The following NALF1 variants were observed in gnomAD, a reference collection of about 807,000 sequenced individuals.
The protein encoded by NALF1 is NALCN channel auxiliary factor 1.
Under a neutral mutation model 48.4 loss-of-function variants are expected in NALF1, and 3 were observed. The observed-to-expected ratio is 0.06, with a 90% CI of 0.03 to 0.16. The LOEUF is 0.16. NALF1 is among the 10% of genes least tolerant of loss of function. The pLI is 1.00. For missense variants in NALF1, 526 were observed against 571.5 expected (o/e 0.92, Z 0.81); for synonymous variants, 262 against 245.7 (o/e 1.07, Z -0.62).
At chr13:107,575,793 C>T (rs9301236) in intron 1 of NALF1, among the ~76,000 whole-genome samples, 128,401 of 152,130 alleles carry the variant, frequency 0.84, 57,835 homozygotes, top group East Asian at 1. Flanking sequence ...GGTGATTTTA[C>T]TTTTCATCTG....
intron 1 of NALF1, among the ~76,000 whole-genome samples, chr13:107,650,257 C>T (rs1292068558): frequency 1.3e-5 from 2 of 152,036 alleles, no homozygotes; most frequent in Non-Finnish European, 2.9e-5. Flanking sequence ...CCAGGGTACC[C>T]CTGGCCACCC....
At chr13:107,199,518 G>A (rs1276596418) in intron 2 of NALF1, among the ~76,000 whole-genome samples, 1 of 152,084 alleles carries the variant, frequency 6.6e-6, no homozygotes, top group Non-Finnish European at 1.5e-5. Flanking sequence ...CTGGGGTGCT[G>A]GGGGTTAGGA....
chr13:107,669,049 C>T (rs530875813), intron 1 of NALF1, among the ~76,000 whole-genome samples: 9 of 152,184 alleles, frequency 5.9e-5, no homozygotes, highest in Admixed American at 3.9e-4. Context: ...AACTTAATTA[C>T]ATAATACTGA....
At chr13:107,857,218 A>T (rs1231481725) in intron 1 of NALF1, among the ~76,000 whole-genome samples, 1 of 152,192 alleles carries the variant, frequency 6.6e-6, no homozygotes, top group Non-Finnish European at 1.5e-5. Flanking sequence ...CATCAAGGAT[A>T]TCTGTTACCC....
At chr13:107,623,587 T>C (rs144569767) in intron 1 of NALF1, among the ~76,000 whole-genome samples, 9 of 152,212 alleles carry the variant, frequency 5.9e-5, no homozygotes, top group African/African-American at 2.2e-4. Flanking sequence ...GCACTATTGT[T>C]TCATTCTGTT....
chr13:107,470,241 ACTTC>A (rs1411421868), intron 1 of NALF1, among the ~76,000 whole-genome samples: 11 of 152,256 alleles, frequency 7.2e-5, no homozygotes, highest in African/African-American at 2.7e-4. Context: ...TTTTAAATTT[ACTTC>A]CTTCCTTATT....
At chr13:107,620,360 G>A (rs1213800895) in intron 1 of NALF1, among the ~76,000 whole-genome samples, 4 of 152,156 alleles carry the variant, frequency 2.6e-5, no homozygotes, top group South Asian at 2.1e-4. Context: ...AGAGAATAAC[G>A]TGCTATCATT....
chr13:107,567,144 TA>T (rs1465694775), intron 1 of NALF1, among the ~76,000 whole-genome samples: 1 of 152,246 alleles, frequency 6.6e-6, no homozygotes, highest in Non-Finnish European at 1.5e-5. Flanking sequence ...TTATATGTGA[TA>T]ACGTAGTTAA....
intron 1 of NALF1, among the ~76,000 whole-genome samples, chr13:107,536,900 T>TA (rs1040570823): frequency 2.1e-4 from 32 of 152,002 alleles, no homozygotes; most frequent in African/African-American, 7.2e-4. Context: ...TATGCAGCCA[T>TA]AAAAAAAGGA....
Position 107,166,006 on chromosome 13 carries a change from ATGTGTG to A in NALF1, c.*4485_*4490del, listed in dbSNP as rs71204815. 2.8e-3 allele frequency: 412 copies of A among 146,204 alleles called. No homozygotes were observed. The highest frequency in any genetic ancestry group is 7.6e-3 in the African/African-American group (301 of 39,566). The allele number at this position is 146,204 out of a possible 1,614,324, so 9.1% of individuals were successfully genotyped here. The stretch of plus-strand genomic sequence containing the variant: ...TTGGTTGAAGTTTTATTTGCAAGCG[ATGTGTG>A]TGTGTGTGTGTGTGTGTGTGTGTGT... On this transcript the variant is annotated 3_prime_UTR_variant, in exon 3 of 3. Coordinates refer to ENST00000375915, the MANE Select transcript of NALF1 (RefSeq NM_001080396.3).
chr13:107,361,032 G>A (rs1883052113), intron 1 of NALF1, among the ~76,000 whole-genome samples: 1 of 152,144 alleles, frequency 6.6e-6, no homozygotes, highest in South Asian at 2.1e-4. Flanking sequence ...GGTTTGATCA[G>A]TTTCAGCTTC....
At chr13:107,761,268 A>T (rs947982972) in intron 1 of NALF1, among the ~76,000 whole-genome samples, 4 of 152,118 alleles carry the variant, frequency 2.6e-5, no homozygotes, top group Non-Finnish European at 5.9e-5. Flanking sequence ...GAGGCAGAAG[A>T]ATGGCGTGAA....
intron 1 of NALF1, among the ~76,000 whole-genome samples, chr13:107,370,690 G>GT (rs1883234580): frequency 6.6e-6 from 1 of 152,008 alleles, no homozygotes; most frequent in Non-Finnish European, 1.5e-5. Flanking sequence ...GTATTAGTCC[G>GT]TTCTCATGCT....
chr13:107,704,163 T>C (rs549171848), intron 1 of NALF1, among the ~76,000 whole-genome samples: 3 of 152,354 alleles, frequency 2.0e-5, no homozygotes, highest in African/African-American at 7.2e-5. Context: ...TTTTGCTATG[T>C]AAAATTTTAT....
intron 1 of NALF1, among the ~76,000 whole-genome samples, chr13:107,236,549 A>G (rs993243628): frequency 4.6e-5 from 7 of 152,314 alleles, no homozygotes; most frequent in Non-Finnish European, 1.0e-4. Context: ...AAACAAATGT[A>G]AAGAGATGTG....
intron 1 of NALF1, among the ~76,000 whole-genome samples, chr13:107,772,069 C>A (rs1449488243): frequency 1.3e-5 from 2 of 152,028 alleles, no homozygotes; most frequent in Admixed American, 1.3e-4. Context: ...CTGATTCTTG[C>A]AAAATATAGT....
chr13:107,486,118 G>C (rs1157949201), intron 1 of NALF1, among the ~76,000 whole-genome samples: 1 of 152,060 alleles, frequency 6.6e-6, no homozygotes, highest in Non-Finnish European at 1.5e-5. Flanking sequence ...TTTATCTCTA[G>C]AATCTAGTTC....
At chr13:107,366,276 T>C (rs1419000100) in intron 1 of NALF1, among the ~76,000 whole-genome samples, 1 of 152,204 alleles carries the variant, frequency 6.6e-6, no homozygotes, top group Non-Finnish European at 1.5e-5. Context: ...AAATAGGTTA[T>C]GCATTGAGAT....
intron 1 of NALF1, among the ~76,000 whole-genome samples, chr13:107,410,133 T>C (rs971511661): frequency 5.3e-5 from 8 of 152,176 alleles, no homozygotes; most frequent in Admixed American, 2.0e-4. Context: ...GTCCAAGAAG[T>C]GGTAAATATT....
Sources: gnomAD v4.1 joint callset for allele counts (sites outside exome capture counted in the v4.1 genomes callset) on GRCh38, gnomAD v4.1.1 for gene constraint, MANE v1.5 for transcripts, NCBI Gene and HGNC (gene_info 2026-07-23, HGNC 2026-07-21) for gene names.